C6orf132: variants seen among roughly 807,000 people sequenced by gnomAD.
C6orf132 encodes the protein chromosome 6 open reading frame 132.
C6orf132 carries 43 observed loss-of-function variants against 65.3 expected under a neutral mutation model. The ratio of observed to expected loss-of-function variants is 0.66; its 90% CI spans 0.52 to 0.85. The LOEUF (loss-of-function observed/expected upper bound fraction) is 0.85, where lower values mean the gene tolerates loss of function less well. C6orf132 is among the 40% of genes least tolerant of loss of function. The pLI is 0.00. For missense variants in C6orf132, 1,488 were observed against 1,548.8 expected, an observed-to-expected ratio of 0.96 and a Z score of 0.66; for synonymous variants, 631 against 654.1, an observed-to-expected ratio of 0.96 and a Z score of 0.54.
At chr6:42,107,820 G>A (rs143338709) in intron 3 of C6orf132, among the ~76,000 whole-genome samples, 32 of 152,242 alleles carry the variant, frequency 2.1e-4, no homozygotes, top group African/African-American at 6.7e-4. Context: ...TTTGAAGCCT[G>A]TATGGAATTA....
At position 42,105,381 on chromosome 6, in the gene C6orf132, G is replaced by A. The variant is rs1582267629; in HGVS notation, c.2531C>T (p.Ala844Val). The A allele has an allele frequency of 6.5e-7, 1 of 1,535,964 alleles. No individual in the cohort carries two copies. The part of the protein sequence containing the change: ...ERGSPMALLL[A>V]ARQRAQKGRS... ...TCCCTTCTGAGCCCTCTGCCTGGCC[G>A]CCAGGAGCAGGGCCATCGGCGAGCC... The change falls in exon 4 of 5, where the codon GCG becomes GTG. Residue 844 changes from alanine (A) to valine (V), a missense_variant. Transcript: ENST00000341865.
At chr6:42,142,023 T>A (rs1250292232) in intron 1 of C6orf132, among the ~76,000 whole-genome samples, 1 of 151,786 alleles carries the variant, frequency 6.6e-6, no homozygotes, top group African/African-American at 2.4e-5. Flanking sequence ...ATTAAACACC[T>A]CCGAATAAGG....
At chr6:42,135,233 G>A (rs973891685) in intron 1 of C6orf132, among the ~76,000 whole-genome samples, 1 of 152,222 alleles carries the variant, frequency 6.6e-6, no homozygotes. Context: ...GATGCCTGGG[G>A]CTGAATAGCC....
chr6:42,112,706 C>A (rs1351849428), intron 2 of C6orf132, among the ~76,000 whole-genome samples: 1 of 152,236 alleles, frequency 6.6e-6, no homozygotes, highest in Non-Finnish European at 1.5e-5. Flanking sequence ...TCAGTGAGAT[C>A]TGGGAGCTCC....
At chr6:42,117,660 G>A (rs10456508) in intron 2 of C6orf132, among the ~76,000 whole-genome samples, 3 of 152,078 alleles carry the variant, frequency 2.0e-5, no homozygotes, top group South Asian at 4.1e-4. Flanking sequence ...GGTGGCTCAC[G>A]CCTGTAATCC....
In C6orf132 at chr6:42,105,784, CCTT is replaced by C. The variant is rs1195531946; in HGVS notation, c.2125_2127del (p.Lys709del). The C allele has an allele frequency of 1.3e-6, 2 of 1,537,302 alleles. No individual in the cohort carries two copies. Among genetic ancestry groups the C allele is most frequent in the East Asian group, 2.4e-5 (1 of 40,920 alleles). Reference sequence around the variant, plus strand: ...TCTGGCTGGCCAGCTGGGCCTGAGTCCTTCTCTGCCATCAGTTGGGATGTGGTG... The same window carrying C: ...TCTGGCTGGCCAGCTGGGCCTGAGTCCTCTGCCATCAGTTGGGATGTGGTG... On this transcript the variant is annotated inframe_deletion, in exon 4 of 5. Transcript: ENST00000341865.
chr6:42,128,445 C>T (rs930118465), intron 2 of C6orf132, among the ~76,000 whole-genome samples: 6 of 152,022 alleles, frequency 3.9e-5, no homozygotes, highest in African/African-American at 9.7e-5. Flanking sequence ...ACAAGTTCTC[C>T]ATAACTTCTC....
At position 42,106,215 on chromosome 6, in the gene C6orf132, A is replaced by G; in HGVS notation, c.1697T>C (p.Ile566Thr). The change falls in exon 4 of 5, where the codon ATC (isoleucine) becomes ACC (threonine). Residue 566 changes from isoleucine to threonine, a missense_variant. By Grantham distance (89) the Ile-to-Thr change is moderately conservative. Transcript: ENST00000341865. The part of the protein sequence containing the change: ...QDSPTPSVRQ[I>T]RNELEARLSS... ...GAGCCGGGCCTCCAGCTCATTCCGG[A>G]TCTGCCGCACACTGGGAGTTGGAGA... The G allele has an allele frequency of 6.5e-7, 1 of 1,537,138 alleles. No individual in the cohort carries two copies. The highest frequency in any genetic ancestry group is 1.4e-5 in the African/African-American group (1 of 73,148).
chr6:42,126,090 G>GT (rs1008839311), intron 2 of C6orf132, among the ~76,000 whole-genome samples: 24 of 149,834 alleles, frequency 1.6e-4, no homozygotes, highest in South Asian at 8.5e-4. Flanking sequence ...TTTGTTTTTT[G>GT]TTTTTTTTTG....
At chr6:42,118,139 C>T (rs1434957654) in intron 2 of C6orf132, among the ~76,000 whole-genome samples, 1 of 152,116 alleles carries the variant, frequency 6.6e-6, no homozygotes, top group Non-Finnish European at 1.5e-5. Context: ...AGCTCACCTG[C>T]GTCGTGTGGG....
intron 2 of C6orf132, among the ~76,000 whole-genome samples, chr6:42,110,706 C>T (rs184503257): frequency 2.2e-4 from 34 of 152,170 alleles, no homozygotes; most frequent in African/African-American, 7.2e-4. Context: ...AACTCATGGC[C>T]GATAGCACTA....
In C6orf132 at chr6:42,142,521, C is replaced by A; in HGVS notation, c.-77G>T. On this transcript the variant is annotated 5_prime_UTR_variant, in exon 1 of 5. Coordinates refer to ENST00000341865, the MANE Select transcript of C6orf132 (RefSeq NM_001164446.3). ...GCCCTGCCCCGGACTGAACTCAGCA[C>A]GGTCTCCCCAGGGGACTCTACCAGG... 7.6e-7 allele frequency: 1 copy of A among 1,319,366 alleles called. No individual in the cohort carries two copies. The highest frequency in any genetic ancestry group is 1.0e-6 in the Non-Finnish European group (1 of 1,000,874). The allele number at this position is 1,319,366 out of a possible 1,614,324, so 81.7% of individuals were successfully genotyped here. A position where few individuals can be genotyped will look rare whatever the true frequency, so the allele number is the denominator to read the frequency against.
intron 1 of C6orf132, among the ~76,000 whole-genome samples, chr6:42,139,714 C>T (rs984567907): frequency 6.6e-6 from 1 of 151,958 alleles, no homozygotes; most frequent in Non-Finnish European, 1.5e-5. Flanking sequence ...TTTTTTAGCT[C>T]ATCAGCTATT....
chr6:42,129,690 C>T (rs1185222286), intron 1 of C6orf132, among the ~76,000 whole-genome samples: 2 of 152,220 alleles, frequency 1.3e-5, no homozygotes, highest in Non-Finnish European at 2.9e-5. Context: ...TTGATACACA[C>T]TGACAAGAAA....
At chr6:42,126,847 CA>C (rs35231653) in intron 2 of C6orf132, 27,082 of 342,264 alleles carry the variant, frequency 0.079, no homozygotes, top group East Asian at 0.13. Context: ...ACTCAGTCTG[CA>C]AAAAAAAAAA....
rs114870393 is a variant in C6orf132 at position 42,105,619 on chromosome 6, C to T, written c.2293G>A (p.Val765Met). The T allele has an allele frequency of 4.2e-4, 641 of 1,537,060 alleles. 2 individuals carry two copies. The African/African-American group carries it at 7.1e-3, about 17-fold the overall frequency. The change falls in exon 4 of 5, where the codon GTG becomes ATG. Residue 765 changes from valine to methionine, a missense_variant. Transcript: ENST00000341865. The part of the protein sequence containing the change: ...PPKTSPGGGE[V>M]PCLYKPHCHQ... ...CAGTGGGGCTTGTAGAGACATGGCACCTCTCCTCCACCAGGAGATGTCTTT... is the reference window on the plus strand; with the variant it reads ...CAGTGGGGCTTGTAGAGACATGGCATCTCTCCTCCACCAGGAGATGTCTTT...
At position 42,103,879 on chromosome 6, in the gene C6orf132, C is replaced by G. The variant is rs547306596; in HGVS notation, c.3450-1G>C. ...ATAGCGGGTGGTGGTGTAGGGAGAC[C>G]TGGGGGAGAGCAAGAGATGTGAGGT... On this transcript the variant is annotated splice_acceptor_variant, in intron 4 of 4. Coordinates refer to ENST00000341865, the MANE Select transcript of C6orf132 (RefSeq NM_001164446.3). LOFTEE classifies it high-confidence loss of function. 257 of 1,440,386 alleles carry G rather than the reference C, an allele frequency of 1.8e-4. 1 individual carries two copies. The South Asian group carries it at 3.5e-3, about 19-fold the overall frequency. The allele number at this position is 1,440,386 out of a possible 1,614,324, so 89.2% of individuals were successfully genotyped here. A position where few individuals can be genotyped will look rare whatever the true frequency, so the allele number is the denominator to read the frequency against.
rs1766278998 is a variant in C6orf132 at position 42,101,376 on chromosome 6, A to G, written c.*2385T>C. ...TCCTTCTTACTACTCCTTGTAATTT[A>G]TGATGTTTTTGTGTGCTTTTTCAAT... On this transcript the variant is annotated 3_prime_UTR_variant, in exon 5 of 5. Transcript: ENST00000341865. 1 of 151,040 alleles carries G rather than the reference A, an allele frequency of 6.6e-6. No homozygotes were observed. The highest frequency in any genetic ancestry group is 6.6e-5 in the Admixed American group (1 of 15,252). 9.4% of individuals were successfully genotyped at this position (151,040 alleles called of 1,614,324 possible).
At chr6:42,142,019 C>T (rs1185945476) in intron 1 of C6orf132, among the ~76,000 whole-genome samples, 1 of 152,094 alleles carries the variant, frequency 6.6e-6, no homozygotes, top group Non-Finnish European at 1.5e-5. Context: ...GGGAATTAAA[C>T]ACCTCCGAAT....
Sources: gnomAD v4.1 joint callset for allele counts (sites outside exome capture counted in the v4.1 genomes callset) on GRCh38, gnomAD v4.1.1 for gene constraint, MANE v1.5 for transcripts, NCBI Gene and HGNC (gene_info 2026-07-23, HGNC 2026-07-21) for gene names.